The following ATAD2B variants were observed in gnomAD, a reference collection of about 807,000 sequenced individuals.
The protein encoded by ATAD2B is ATPase family AAA domain-containing protein 2B.
Under a neutral mutation model 167.6 loss-of-function variants are expected in ATAD2B, and 40 were observed. The observed-to-expected ratio is 0.24, with a 90% CI of 0.19 to 0.31. The LOEUF (loss-of-function observed/expected upper bound fraction) is 0.31. ATAD2B is among the 10% of genes least tolerant of loss of function. The pLI, the probability that ATAD2B is intolerant of heterozygous loss-of-function variation, is 1.00. For synonymous variants in ATAD2B, 579 were observed against 596.5 expected (o/e 0.97, Z 0.43); for missense variants, 1,242 against 1,757.2 (o/e 0.71, Z 5.24).
the ATAD2B span, among the ~76,000 whole-genome samples, chr2:23,724,304 TATG>T: frequency 2.0e-5 from 3 of 152,218 alleles, no homozygotes; most frequent in Non-Finnish European, 4.4e-5. Flanking sequence ...AAATGTTTGA[TATG>T]ATGAATATAT....
intron 2 of ATAD2B, among the ~76,000 whole-genome samples, chr2:23,894,527 G>C (rs929316551): frequency 6.6e-6 from 1 of 151,492 alleles, no homozygotes; most frequent in Admixed American, 6.6e-5. Context: ...AGGCCTGCTG[G>C]GTGGATAAAA....
At chr2:23,911,204 A>G (rs1480572787) in intron 1 of ATAD2B, among the ~76,000 whole-genome samples, 8 of 151,224 alleles carry the variant, frequency 5.3e-5, no homozygotes, top group East Asian at 3.9e-4. Flanking sequence ...CTGGGCAAAA[A>G]GAGCGAAACT....
the ATAD2B span, among the ~76,000 whole-genome samples, chr2:23,737,538 C>T: frequency 6.6e-6 from 1 of 152,142 alleles, no homozygotes; most frequent in South Asian, 2.1e-4. Flanking sequence ...ACACCAAAAA[C>T]CCATCTGTAC....
intron 16 of ATAD2B, among the ~76,000 whole-genome samples, chr2:23,822,885 C>T (rs1012128274): frequency 7.5e-6 from 1 of 133,612 alleles, no homozygotes; most frequent in Non-Finnish European, 1.5e-5. Flanking sequence ...CCATTACACT[C>T]CAGCCTGGGC....
chr2:23,814,764 T>C (rs945642474), intron 17 of ATAD2B, among the ~76,000 whole-genome samples: 1 of 151,982 alleles, frequency 6.6e-6, no homozygotes, highest in Non-Finnish European at 1.5e-5. Context: ...CGTTAAAAGT[T>C]TGGAATGTGG....
At chr2:23,874,116 G>A (rs1224939799) in intron 8 of ATAD2B, among the ~76,000 whole-genome samples, 1 of 152,010 alleles carries the variant, frequency 6.6e-6, no homozygotes, top group Non-Finnish European at 1.5e-5. Context: ...CAACCAAGGA[G>A]GCGGAGGTTG....
the ATAD2B span, chr2:23,693,638 C>T: frequency 8.5e-6 from 10 of 1,175,352 alleles, no homozygotes; most frequent in African/African-American, 1.5e-4. Context: ...CCTGCTCTCC[C>T]TAAGTGGCAG....
the ATAD2B span, among the ~76,000 whole-genome samples, chr2:23,714,449 C>T: frequency 2.0e-5 from 3 of 147,346 alleles, no homozygotes; most frequent in Non-Finnish European, 4.5e-5. Context: ...ACTGTGTTAG[C>T]CAGGATGGTC....
chr2:23,901,732 TATG>T (rs1700866814), intron 1 of ATAD2B, among the ~76,000 whole-genome samples: 1 of 152,130 alleles, frequency 6.6e-6, no homozygotes, highest in South Asian at 2.1e-4. Flanking sequence ...CTAAGAGTAT[TATG>T]ATAACATGCA....
At chr2:23,687,243 C>T in the ATAD2B span, among the ~76,000 whole-genome samples, 1 of 149,854 alleles carries the variant, frequency 6.7e-6, no homozygotes, top group Non-Finnish European at 1.5e-5. Context: ...CAACATTGGC[C>T]CTCCCTGGGT....
chr2:23,795,366 C>T (rs986290723), intron 19 of ATAD2B, among the ~76,000 whole-genome samples: 8 of 152,062 alleles, frequency 5.3e-5, no homozygotes, highest in Non-Finnish European at 8.8e-5. Context: ...CACTCTGTTG[C>T]CCAGGCTGGA....
chr2:23,877,540 A>AGGGAGGGGAGGGCAGGGGAAGGGAG (rs1335351600), intron 7 of ATAD2B, among the ~76,000 whole-genome samples: 1 of 17,568 alleles, frequency 5.7e-5, no homozygotes, highest in African/African-American at 2.5e-4. Flanking sequence ...GGGGAGGGGA[A>AGGGAGGGGAGGGCAGGGGAAGGGAG]GGGAGGGGAG....
chr2:23,703,085 C>A, the ATAD2B span: 2 of 828,352 alleles, frequency 2.4e-6, no homozygotes, highest in Non-Finnish European at 3.5e-6. Context: ...GCTGGCCATG[C>A]TGAGGGCGAG....
intron 20 of ATAD2B, 118 bp downstream of exon 20, chr2:23,788,394 C>G: frequency 4.3e-6 from 5 of 1,150,114 alleles, no homozygotes; most frequent in Non-Finnish European, 6.2e-6. Context: ...TAAAGATAAA[C>G]AGAACCTGAC....
At chr2:23,712,272 G>C in the ATAD2B span, among the ~76,000 whole-genome samples, 1 of 152,220 alleles carries the variant, frequency 6.6e-6, no homozygotes, top group Admixed American at 6.5e-5. Context: ...TAAGAAAACA[G>C]AGAACTCTGT....
At chr2:23,888,059 AT>A (rs1294791997) in intron 3 of ATAD2B, 74 bp from the exon 4 acceptor site, 9 of 1,283,488 alleles carry the variant, frequency 7.0e-6, no homozygotes, top group Middle Eastern at 4.1e-4. Context: ...AAATCAAAAA[AT>A]TACTTTTAAA....
chr2:23,926,634 G>A lies in ATAD2B; in HGVS notation c.137C>T (p.Ser46Phe). The A allele has an allele frequency of 6.4e-7, 1 of 1,564,070 alleles. No individual in the cohort carries two copies. Among genetic ancestry groups the A allele is most frequent in the Non-Finnish European group, 8.7e-7 (1 of 1,155,346 alleles). Residue 46 changes from serine to phenylalanine, a missense_variant, in exon 1 of 28, where the codon TCC becomes TTC. By Grantham distance (155) the Ser-to-Phe change is radical. Transcript: ENST00000238789. The stretch of plus-strand genomic sequence containing the variant: ...GGGGCAGCTGGCGGCGCGGGTCTTG[G>A]AGGAGCGGGTCCGAGAGGAGATGAA... ...SHFISSRTRSSKTRAASCPAA... is the reference protein window; with the variant it reads ...SHFISSRTRSFKTRAASCPAA...
At chr2:23,813,379 T>C (rs1572871085) in intron 17 of ATAD2B, among the ~76,000 whole-genome samples, 1 of 149,640 alleles carries the variant, frequency 6.7e-6, no homozygotes, top group Non-Finnish European at 1.5e-5. Context: ...AATATAAATG[T>C]ATAAAATGTA....
chr2:23,826,667 T>C (rs1688306741), intron 15 of ATAD2B, among the ~76,000 whole-genome samples: 1 of 152,296 alleles, frequency 6.6e-6, no homozygotes, highest in South Asian at 2.1e-4. Flanking sequence ...TCACACATAA[T>C]GAAGGCCCAC....
Sources: gnomAD v4.1 joint callset for allele counts (sites outside exome capture counted in the v4.1 genomes callset) on GRCh38, gnomAD v4.1.1 for gene constraint, MANE v1.5 for transcripts, NCBI Gene and HGNC (gene_info 2026-07-23, HGNC 2026-07-21) for gene names.